Variants in MAB21L3 observed in about 807,000 individuals in gnomAD.
MAB21L3 encodes protein mab-21-like 3.
MAB21L3 carries 36 observed loss-of-function variants against 37.7 expected under a neutral mutation model. That is an observed-to-expected ratio of 0.96 (90% CI 0.73 to 1.26). The LOEUF is 1.26. MAB21L3 is among the 50% of genes most tolerant of loss of function. The probability of loss-of-function intolerance (pLI) is 0.00; values close to 1 mark genes in which losing one functional copy is unlikely to be tolerated. For missense variants in MAB21L3, 430 were observed against 447.3 expected, an observed-to-expected ratio of 0.96 and a Z score of 0.35; for synonymous variants, 186 against 176.8, an observed-to-expected ratio of 1.05 and a Z score of -0.41.
At position 116,123,393 on chromosome 1, in the gene MAB21L3, C is replaced by T. The variant is rs750385590; in HGVS notation, c.190-673C>T. Among the ~76,000 whole-genome samples the T allele has an allele frequency of 3.2e-4, 48 of 152,096 alleles. 1 individual carries two copies. In the Middle Eastern group the frequency reaches 0.01, roughly 33 times the overall value. The stretch of plus-strand genomic sequence containing the variant: ...TTAGTCATGAACACTGACCATAGGT[C>T]ATCAGTACAGGCCAAAAAAAAAAGG... On this transcript the variant is annotated intron_variant, in intron 4 of 7. Transcript: ENST00000369500.
chr1:116,129,852 C>A (rs1383879032), intron 7 of MAB21L3, among the ~76,000 whole-genome samples: 1 of 152,190 alleles, frequency 6.6e-6, no homozygotes, highest in Non-Finnish European at 1.5e-5. Flanking sequence ...TCCATTTTGA[C>A]CTGCGGAAGA....
chr1:116,117,158 C>CATATATATATATATATATAT (rs773287860), intron 3 of MAB21L3, among the ~76,000 whole-genome samples: 29 of 86,048 alleles, frequency 3.4e-4, no homozygotes, highest in East Asian at 2.6e-3. Flanking sequence ...TCAAAATATA[C>CATATATATATATATATATAT]ATACATATAT....
At position 116,133,206 on chromosome 1, in the gene MAB21L3, C is replaced by T. The variant is rs112089326; in HGVS notation, c.930C>T (p.Arg310=). The change falls in exon 8 of 8, where the codon CGC becomes CGT. Residue 310 remains arginine (R), a synonymous_variant. Transcript: ENST00000369500. ...DWQVFSKAFL[R]LVRKLHKCVS... ...AGGTCTTCAGCAAAGCATTTCTGCG[C>T]CTGGTGAGGAAACTGCACAAGTGCG... The T allele has an allele frequency of 6.2e-7, 1 of 1,614,094 alleles. No individual in the cohort carries two copies. Among genetic ancestry groups the T allele is most frequent in the Non-Finnish European group, 8.5e-7 (1 of 1,180,050 alleles).
chr1:116,128,054 T>C, intron 6 of MAB21L3, 91 bp from the exon 7 acceptor site: 1 of 1,366,212 alleles, frequency 7.3e-7, no homozygotes, highest in Non-Finnish European at 1.0e-6. Flanking sequence ...TGGTGACAAG[T>C]TCCCCAGACC....
At chr1:116,124,894 C>T (rs1049652377) in intron 5 of MAB21L3, among the ~76,000 whole-genome samples, 1 of 151,910 alleles carries the variant, frequency 6.6e-6, no homozygotes, top group Non-Finnish European at 1.5e-5. Flanking sequence ...CACACATACA[C>T]ACACACACAC....
chr1:116,125,107 C>T (rs139968884), intron 5 of MAB21L3, among the ~76,000 whole-genome samples: 36 of 150,748 alleles, frequency 2.4e-4, no homozygotes, highest in East Asian at 1.2e-3. Context: ...TATATTTCAA[C>T]GTATATTAGA....
In MAB21L3 at chr1:116,127,779, C is replaced by T; in HGVS notation, c.660+135C>T. Reference sequence around the variant, plus strand: ...GATCAGCAGTTCTCAAAGTGTGGGCCCTGCAGCAGCGTCACCTGAGAACTT... The same window carrying T: ...GATCAGCAGTTCTCAAAGTGTGGGCTCTGCAGCAGCGTCACCTGAGAACTT... On this transcript the variant is annotated intron_variant, in intron 6 of 7. Transcript: ENST00000369500. 4.1e-6 allele frequency: 4 copies of T among 986,228 alleles called. No homozygotes were observed. The East Asian group carries it at 8.1e-5, about 20-fold the overall frequency. 61.1% of individuals were successfully genotyped at this position (986,228 alleles called of 1,614,324 possible).
chr1:116,118,478 A>C (rs974100744), intron 3 of MAB21L3, among the ~76,000 whole-genome samples: 1 of 151,856 alleles, frequency 6.6e-6, no homozygotes, highest in Non-Finnish European at 1.5e-5. Flanking sequence ...CCTCTTCCCC[A>C]CCATTAATGC....
At chr1:116,121,339 A>G (rs1659742808) in intron 4 of MAB21L3, among the ~76,000 whole-genome samples, 1 of 152,196 alleles carries the variant, frequency 6.6e-6, no homozygotes, top group African/African-American at 2.4e-5. Context: ...CAGCCTGGGC[A>G]ATGTAGTGAG....
intron 4 of MAB21L3, among the ~76,000 whole-genome samples, chr1:116,121,561 G>A (rs931453353): frequency 2.0e-5 from 3 of 152,122 alleles, no homozygotes; most frequent in African/African-American, 7.2e-5. Flanking sequence ...CATTTATTAA[G>A]CACCTACTTA....
At position 116,118,042 on chromosome 1, in the gene MAB21L3, G is replaced by GA. The variant is rs368700858; in HGVS notation, c.49-2880dup. Reference sequence around the variant, plus strand: ...TTACACCTGTGTGTCATTTTGCAAGGAAAAAAAAAACTGTTCGCATCCCTG... The same window carrying GA: ...TTACACCTGTGTGTCATTTTGCAAGGAAAAAAAAAAACTGTTCGCATCCCTG... On this transcript the variant is annotated intron_variant, in intron 3 of 7. Transcript: ENST00000369500. Among the ~76,000 whole-genome samples the GA allele has an allele frequency of 7.4e-3, 1,095 of 148,380 alleles. 13 individuals are homozygous for GA. The highest frequency in any genetic ancestry group is 0.025 in the African/African-American group (1,030 of 40,584).
rs1329607526 is a variant in MAB21L3, at chr1:116,135,192, G to A, written c.*1827G>A. 1 of 151,866 alleles carries A rather than the reference G, an allele frequency of 6.6e-6. No individual in the cohort carries two copies. Among genetic ancestry groups the A allele is most frequent in the Non-Finnish European group, 1.5e-5 (1 of 68,000 alleles). The allele number at this position is 151,866 out of a possible 1,614,324, so 9.4% of individuals were successfully genotyped here. A position where few individuals can be genotyped will look rare whatever the true frequency, so the allele number is the denominator to read the frequency against. ...CAAAAAATTAATAGATCCAGGAGCT[G>A]GTTTTTTGAAAGGATCAACAAAATT... On this transcript the variant is annotated 3_prime_UTR_variant, in exon 8 of 8. Transcript: ENST00000369500.
At chr1:116,132,379 G>C (rs779298931) in intron 7 of MAB21L3, among the ~76,000 whole-genome samples, 5 of 152,184 alleles carry the variant, frequency 3.3e-5, no homozygotes, top group Non-Finnish European at 5.9e-5. Context: ...TCAAGTGAAG[G>C]ATGGCTCAGG....
In MAB21L3 at chr1:116,133,851, C is replaced by T. The variant is rs919815292; in HGVS notation, c.*486C>T. 4 of 171,472 alleles carry T rather than the reference C, an allele frequency of 2.3e-5. No individual in the cohort carries two copies. Among genetic ancestry groups the T allele is most frequent in the South Asian group, 1.5e-4 (1 of 6,754 alleles). 10.6% of individuals were successfully genotyped at this position (171,472 alleles called of 1,614,324 possible). Reference sequence around the variant, plus strand: ...CTGTGTGCCTATGAAACTGTGCTGGCGCCTTTTCAAGGGGAAGGCATTGGA... The same window carrying T: ...CTGTGTGCCTATGAAACTGTGCTGGTGCCTTTTCAAGGGGAAGGCATTGGA... On this transcript the variant is annotated 3_prime_UTR_variant, in exon 8 of 8. Coordinates refer to ENST00000369500, the MANE Select transcript of MAB21L3 (RefSeq NM_152367.3).
Position 116,124,268 on chromosome 1 carries a change from T to A in MAB21L3, c.392T>A (p.Val131Glu). 6.2e-7 allele frequency: 1 copy of A among 1,614,188 alleles called. No homozygotes were observed. Among genetic ancestry groups the A allele is most frequent in the Non-Finnish European group, 8.5e-7 (1 of 1,180,040 alleles). ...KSLWQWHETD[V>E]NIDGDIVPAK... ...CTGTGGCAGTGGCATGAGACAGATGTGAACATCGACGGAGACATTGTGCCT... is the reference window on the plus strand; with the variant it reads ...CTGTGGCAGTGGCATGAGACAGATGAGAACATCGACGGAGACATTGTGCCT... The change falls in exon 5 of 8, where the codon GTG becomes GAG. Residue 131 changes from valine (V) to glutamate (E), a missense_variant. By Grantham distance (121) the Val-to-Glu change is moderately radical. Transcript: ENST00000369500.
rs1260004241 is a variant in MAB21L3, at chr1:116,136,312, C to A, written c.*2947C>A. On this transcript the variant is annotated 3_prime_UTR_variant, in exon 8 of 8. Transcript: ENST00000369500. ...ATACAAAATCAAAGTACAAAAATCACAAGCATTCTTATACACCAATAACAG... is the reference window on the plus strand; with the variant it reads ...ATACAAAATCAAAGTACAAAAATCAAAAGCATTCTTATACACCAATAACAG... Among the ~76,000 whole-genome samples, 3 of 152,162 alleles carry A rather than the reference C, an allele frequency of 2.0e-5. No individual in the cohort carries two copies. The highest frequency in any genetic ancestry group is 4.4e-5 in the Non-Finnish European group (3 of 68,028).
At position 116,133,703 on chromosome 1, in the gene MAB21L3, C is replaced by G. The variant is rs1660139880; in HGVS notation, c.*338C>G. The G allele has an allele frequency of 2.7e-6, 1 of 371,194 alleles. No homozygotes were observed. Among genetic ancestry groups the G allele is most frequent in the Non-Finnish European group, 5.0e-6 (1 of 199,050 alleles). The allele number at this position is 371,194 out of a possible 1,614,324, so 23.0% of individuals were successfully genotyped here. On this transcript the variant is annotated 3_prime_UTR_variant, in exon 8 of 8. Coordinates refer to ENST00000369500, the MANE Select transcript of MAB21L3 (RefSeq NM_152367.3). Reference sequence around the variant, plus strand: ...GATCGTCTCACAGTGAAGATGGAGACAGAACCCCTGGAAGTCTGGACATGA... The same window carrying G: ...GATCGTCTCACAGTGAAGATGGAGAGAGAACCCCTGGAAGTCTGGACATGA...
chr1:116,124,649 A>C (rs76699219), intron 5 of MAB21L3, among the ~76,000 whole-genome samples: 3,101 of 152,244 alleles, frequency 0.02, 101 homozygotes, highest in African/African-American at 0.067. Flanking sequence ...TTAAAAACTT[A>C]AGCGTATTGT....
At chr1:116,113,458 G>A (rs1434062404) in intron 3 of MAB21L3, among the ~76,000 whole-genome samples, 1 of 152,154 alleles carries the variant, frequency 6.6e-6, no homozygotes, top group Non-Finnish European at 1.5e-5. Context: ...CCCTTTGAGG[G>A]CTCTAAGTGG....
Sources: allele counts gnomAD v4.1 joint callset (sites outside exome capture counted in the v4.1 genomes callset), GRCh38; gene constraint gnomAD v4.1.1; transcripts MANE v1.5; gene names NCBI Gene and HGNC (gene_info 2026-07-23, HGNC 2026-07-21).